The following CNTN4 variants were observed in gnomAD, a reference collection of about 807,000 sequenced individuals.
The protein encoded by CNTN4 is contactin-4.
In CNTN4, 77 loss-of-function variants were observed where a neutral mutation model predicts 122.5. The observed-to-expected ratio is 0.63, with a 90% CI of 0.52 to 0.76. CNTN4 has a LOEUF of 0.76. CNTN4 is among the 30% of genes least tolerant of loss of function. CNTN4 has a pLI of 0.00. For missense variants in CNTN4, 1,256 were observed against 1,259.1 expected, an observed-to-expected ratio of 1.00 and a Z score of 0.04; for synonymous variants, 512 against 447.0, an observed-to-expected ratio of 1.15 and a Z score of -1.83.
At chr3:2,857,514 A>G (rs921643377) in intron 7 of CNTN4, among the ~76,000 whole-genome samples, 1 of 152,172 alleles carries the variant, frequency 6.6e-6, no homozygotes, top group Non-Finnish European at 1.5e-5. Context: ...CTTCAGCTGC[A>G]TCTCTCTGCC....
At chr3:2,921,606 A>G (rs931742931) in intron 12 of CNTN4, among the ~76,000 whole-genome samples, 2 of 152,240 alleles carry the variant, frequency 1.3e-5, no homozygotes, top group African/African-American at 4.8e-5. Flanking sequence ...CTTCCAAAAA[A>G]GCTGGCCTTA....
At chr3:2,316,881 T>G (rs533573445) in intron 2 of CNTN4, among the ~76,000 whole-genome samples, 1 of 152,308 alleles carries the variant, frequency 6.6e-6, no homozygotes, top group Admixed American at 6.5e-5. Flanking sequence ...GCAAACCTTT[T>G]TAATAAGTAA....
chr3:2,730,537 C>G (rs541844533), intron 4 of CNTN4, among the ~76,000 whole-genome samples: 1 of 152,096 alleles, frequency 6.6e-6, no homozygotes, highest in South Asian at 2.1e-4. Flanking sequence ...CTGACTTGGT[C>G]CAGCTCCTAG....
At chr3:2,762,060 C>G (rs781429867) in intron 6 of CNTN4, among the ~76,000 whole-genome samples, 10 of 152,128 alleles carry the variant, frequency 6.6e-5, no homozygotes, top group African/African-American at 2.4e-4. Flanking sequence ...GATATGAAGT[C>G]TACATCCAGT....
At chr3:2,164,243 A>G (rs914554951) in intron 2 of CNTN4, among the ~76,000 whole-genome samples, 1 of 152,030 alleles carries the variant, frequency 6.6e-6, no homozygotes. Flanking sequence ...AAAAAAAAAC[A>G]ACAACAAAGT....
intron 6 of CNTN4, among the ~76,000 whole-genome samples, chr3:2,811,269 A>G (rs548728511): frequency 2.1e-3 from 317 of 151,220 alleles, no homozygotes; most frequent in African/African-American, 7.4e-3. Context: ...TTAGCTGGGC[A>G]TGGTGGCAGG....
chr3:2,850,523 T>C (rs1398675064), intron 7 of CNTN4, among the ~76,000 whole-genome samples: 2 of 152,224 alleles, frequency 1.3e-5, no homozygotes, highest in Non-Finnish European at 2.9e-5. Context: ...ACTGAGACTT[T>C]ACATGGAGGG....
intron 13 of CNTN4, among the ~76,000 whole-genome samples, chr3:2,949,288 C>T (rs777031396): frequency 1.3e-5 from 2 of 152,170 alleles, no homozygotes; most frequent in East Asian, 3.9e-4. Context: ...GTCATGCCAA[C>T]CAAAACGAGT....
At chr3:2,889,125 T>A (rs1351075945) in intron 10 of CNTN4, among the ~76,000 whole-genome samples, 4 of 152,152 alleles carry the variant, frequency 2.6e-5, no homozygotes, top group Admixed American at 2.6e-4. Flanking sequence ...ATTTTTTAAA[T>A]CTTGATTGGA....
chr3:2,150,083 T>C (rs939831392), intron 2 of CNTN4, among the ~76,000 whole-genome samples: 2 of 152,126 alleles, frequency 1.3e-5, no homozygotes, highest in African/African-American at 4.8e-5. Context: ...TACAAGATGC[T>C]TAGCACCATA....
At chr3:2,401,747 A>G (rs2046866990) in intron 3 of CNTN4, among the ~76,000 whole-genome samples, 1 of 152,122 alleles carries the variant, frequency 6.6e-6, no homozygotes, top group South Asian at 2.1e-4. Context: ...CTAATAATAG[A>G]TTGCTCTTCA....
chr3:2,838,123 A>G (rs182021667), intron 7 of CNTN4, among the ~76,000 whole-genome samples: 41 of 152,336 alleles, frequency 2.7e-4, no homozygotes, highest in African/African-American at 9.9e-4. Context: ...ACCACATGGA[A>G]GGTGTTCCAC....
chr3:2,994,666 A>G (rs143020416), intron 14 of CNTN4, among the ~76,000 whole-genome samples: 97 of 151,560 alleles, frequency 6.4e-4, no homozygotes, highest in African/African-American at 2.2e-3. Flanking sequence ...CAGCATTACT[A>G]TTGCGCACTA....
chr3:2,763,539 T>C lies in CNTN4; in HGVS notation c.358+17842T>C, dbSNP rs193029795. On this transcript the variant is annotated intron_variant, in intron 6 of 24. Transcript: ENST00000418658. ...TAGTTGCAATTGCTTTTGTTGTCTT[T>C]GTAATGAAATCTTTGCCCGTGCCTA... 5.9e-4 allele frequency among the ~76,000 whole-genome samples: 90 copies of C among 152,334 alleles called. No homozygotes were observed. In the East Asian group the frequency reaches 0.016, roughly 27 times the overall value.
chr3:2,545,640 A>G (rs927426935), intron 3 of CNTN4, among the ~76,000 whole-genome samples: 2 of 143,502 alleles, frequency 1.4e-5, no homozygotes, highest in African/African-American at 2.6e-5. Flanking sequence ...TATCCTTTTC[A>G]TCTTTGCTGG....
At chr3:2,935,654 A>G (rs1465324567) in intron 13 of CNTN4, among the ~76,000 whole-genome samples, 2 of 152,268 alleles carry the variant, frequency 1.3e-5, no homozygotes, top group African/African-American at 4.8e-5. Flanking sequence ...AAAAGGGACG[A>G]AACAGTTTCT....
intron 3 of CNTN4, among the ~76,000 whole-genome samples, chr3:2,567,820 G>GGT (rs746333348): frequency 1.3e-5 from 2 of 152,112 alleles, no homozygotes; most frequent in Non-Finnish European, 2.9e-5. Flanking sequence ...AGTTCAAAAT[G>GGT]GTAGCCCCTT....
At chr3:2,355,607 C>G (rs1462208235) in intron 3 of CNTN4, among the ~76,000 whole-genome samples, 3 of 152,162 alleles carry the variant, frequency 2.0e-5, no homozygotes, top group Non-Finnish European at 4.4e-5. Flanking sequence ...CCTGCGCCCT[C>G]CTCCAACCCC....
intron 14 of CNTN4, among the ~76,000 whole-genome samples, chr3:3,014,262 C>T (rs1378150742): frequency 6.6e-6 from 1 of 152,164 alleles, no homozygotes; most frequent in Non-Finnish European, 1.5e-5. Context: ...TCAATACTTT[C>T]AGTCTGTAGT....
Sources: gnomAD v4.1 joint callset for allele counts (sites outside exome capture counted in the v4.1 genomes callset) on GRCh38, gnomAD v4.1.1 for gene constraint, MANE v1.5 for transcripts, NCBI Gene and HGNC (gene_info 2026-07-23, HGNC 2026-07-21) for gene names.